Variants in SPON1 observed in about 807,000 individuals in gnomAD.
SPON1 encodes the protein spondin-1.
A neutral mutation model predicts 111.7 loss-of-function variants in SPON1; 52 were observed. That is an observed-to-expected ratio of 0.47 (90% CI 0.37 to 0.59). SPON1 has a LOEUF of 0.59. Among genes scored for constraint, SPON1 ranks in the 20% least tolerant of loss-of-function variants. The pLI, the probability that SPON1 is intolerant of heterozygous loss-of-function variation, is 0.00. For synonymous variants in SPON1, 410 were observed against 395.8 expected, an observed-to-expected ratio of 1.04 and a Z score of -0.43; for missense variants, 957 against 1,068.5, an observed-to-expected ratio of 0.90 and a Z score of 1.46.
chr11:14,226,895 G>A (rs1848746439), intron 6 of SPON1, among the ~76,000 whole-genome samples: 1 of 152,190 alleles, frequency 6.6e-6, no homozygotes, highest in African/African-American at 2.4e-5. Context: ...TCCTTGGCTT[G>A]TGGCCACATC....
At chr11:14,116,303 T>G (rs987808995) in intron 5 of SPON1, among the ~76,000 whole-genome samples, 17 of 152,158 alleles carry the variant, frequency 1.1e-4, no homozygotes, top group African/African-American at 3.6e-4. Context: ...TTTAAGAAGT[T>G]TTTGCCTACC....
intron 6 of SPON1, among the ~76,000 whole-genome samples, chr11:14,156,953 C>G (rs1322758793): frequency 1.3e-5 from 2 of 152,190 alleles, no homozygotes; most frequent in South Asian, 2.1e-4. Flanking sequence ...GACCAGACCC[C>G]TTCTCCAACA....
intron 6 of SPON1, among the ~76,000 whole-genome samples, chr11:14,187,255 C>T (rs561480286): frequency 2.6e-5 from 4 of 152,268 alleles, no homozygotes; most frequent in Admixed American, 2.0e-4. Flanking sequence ...CTGCATGACC[C>T]AAACACCTCC....
chr11:14,217,252 CCAA>C (rs1848635334), intron 6 of SPON1, among the ~76,000 whole-genome samples: 1 of 152,192 alleles, frequency 6.6e-6, no homozygotes, highest in Non-Finnish European at 1.5e-5. Flanking sequence ...TCAGCCAGCA[CCAA>C]CATTTGTTTC....
rs572791074 is a variant in SPON1, at chr11:13,979,735, G to A, written c.239-3112G>A. Among the ~76,000 whole-genome samples, 3 of 152,304 alleles carry A rather than the reference G, an allele frequency of 2.0e-5. No individual in the cohort carries two copies. In the South Asian group the frequency reaches 6.2e-4, roughly 32 times the overall value. On this transcript the variant is annotated intron_variant, in intron 1 of 15. Coordinates refer to ENST00000576479, the MANE Select transcript of SPON1 (RefSeq NM_006108.4). ...CAAGAGCCACAGGGGCTGGCCACGGGAAGCAGAAATATATTAGTGCCAGGG... is the reference window on the plus strand; with the variant it reads ...CAAGAGCCACAGGGGCTGGCCACGGAAAGCAGAAATATATTAGTGCCAGGG...
rs1255768045 is a variant in SPON1, at chr11:14,129,792, C to A, written c.677-5628C>A. On this transcript the variant is annotated intron_variant, in intron 5 of 15. Transcript: ENST00000576479. ...AAAGAAGTTTAATTGACTAACAGTT[C>A]GACATGGCTGGGGAGGCCTCAGGAA... Among the ~76,000 whole-genome samples, 3 of 152,230 alleles carry A rather than the reference C, an allele frequency of 2.0e-5. 1 individual carries two copies. The South Asian group carries it at 6.2e-4, about 32-fold the overall frequency.
chr11:14,022,760 T>C (rs1377929901), intron 2 of SPON1, among the ~76,000 whole-genome samples: 1 of 152,242 alleles, frequency 6.6e-6, no homozygotes, highest in East Asian at 1.9e-4. Context: ...CTGAAACCTT[T>C]TCATAGGGAA....
intron 2 of SPON1, among the ~76,000 whole-genome samples, chr11:14,018,440 T>C (rs776138862): frequency 6.6e-6 from 1 of 152,142 alleles, no homozygotes; most frequent in Non-Finnish European, 1.5e-5. Flanking sequence ...AAATTTCTAG[T>C]TTAATGATGC....
At chr11:14,253,785 A>G (rs782338391) in intron 7 of SPON1, among the ~76,000 whole-genome samples, 7 of 152,214 alleles carry the variant, frequency 4.6e-5, no homozygotes, top group Non-Finnish European at 7.3e-5. Flanking sequence ...CCTCTCTATG[A>G]GACAGGATAA....
intron 5 of SPON1, among the ~76,000 whole-genome samples, chr11:14,118,633 C>A (rs550538113): frequency 1.9e-4 from 29 of 152,132 alleles, no homozygotes; most frequent in Non-Finnish European, 2.4e-4. Flanking sequence ...AGAGTCAATA[C>A]CCCTAATGCT....
Position 14,104,380 on chromosome 11 carries a change from A to G in SPON1, c.676+24359A>G, listed in dbSNP as rs140550787. On this transcript the variant is annotated intron_variant, in intron 5 of 15. Coordinates refer to ENST00000576479, the MANE Select transcript of SPON1 (RefSeq NM_006108.4). ...TTCTTTGGTATTATATACACAATTA[A>G]TTTGTTTGGTTTGGGTTTTGCTTAT... 8.9e-3 allele frequency among the ~76,000 whole-genome samples: 1,347 copies of G among 151,782 alleles called. 19 individuals are homozygous for G. The highest frequency in any genetic ancestry group is 0.064 in the South Asian group (308 of 4,804).
rs548260640 is a variant in SPON1, at chr11:14,101,219, G to A, written c.676+21198G>A. ...GTTTGAGACCAGCCAGACCAACATG[G>A]TGAAACCCCATCTCTACTAAAAATA... On this transcript the variant is annotated intron_variant, in intron 5 of 15. Transcript: ENST00000576479. Among the ~76,000 whole-genome samples, 14 of 152,156 alleles carry A rather than the reference G, an allele frequency of 9.2e-5. No homozygotes were observed. In the South Asian group the frequency reaches 2.9e-3, roughly 32 times the overall value.
At chr11:14,006,851 AT>A (rs1441073429) in intron 2 of SPON1, among the ~76,000 whole-genome samples, 1 of 152,164 alleles carries the variant, frequency 6.6e-6, no homozygotes. Context: ...CATCATGCTA[AT>A]TTCCTAGAGC....
At chr11:14,247,407 T>C (rs1196623411) in intron 7 of SPON1, among the ~76,000 whole-genome samples, 1 of 152,098 alleles carries the variant, frequency 6.6e-6, no homozygotes, top group African/African-American at 2.4e-5. Flanking sequence ...CAAATAATAA[T>C]GGTAAATCAT....
chr11:13,997,264 G>C (rs1848280608), intron 2 of SPON1, among the ~76,000 whole-genome samples: 1 of 152,114 alleles, frequency 6.6e-6, no homozygotes, highest in Non-Finnish European at 1.5e-5. Flanking sequence ...TACTCAGAAA[G>C]GACCATGCAT....
intron 6 of SPON1, among the ~76,000 whole-genome samples, chr11:14,242,124 CAGA>C (rs2133917822): frequency 6.6e-6 from 1 of 152,294 alleles, no homozygotes; most frequent in South Asian, 2.1e-4. Context: ...AGCCATGGAC[CAGA>C]AAGCTTTTTA....
chr11:14,117,977 T>TCACTAC (rs1849278624), intron 5 of SPON1, among the ~76,000 whole-genome samples: 1 of 152,192 alleles, frequency 6.6e-6, no homozygotes, highest in South Asian at 2.1e-4. Flanking sequence ...TTCCCATTTC[T>TCACTAC]CACTACCTCT....
At chr11:14,190,148 A>G (rs999138364) in intron 6 of SPON1, among the ~76,000 whole-genome samples, 5 of 152,136 alleles carry the variant, frequency 3.3e-5, no homozygotes, top group African/African-American at 1.2e-4. Context: ...GACCCAGGGG[A>G]GACTGGGTCC....
intron 7 of SPON1, among the ~76,000 whole-genome samples, chr11:14,244,407 A>G (rs950489389): frequency 2.6e-5 from 4 of 151,886 alleles, no homozygotes; most frequent in Non-Finnish European, 4.4e-5. Context: ...AATCCCAGCT[A>G]TTTGGGAGGC....
Sources: gnomAD v4.1 joint callset for allele counts (sites outside exome capture counted in the v4.1 genomes callset) on GRCh38, gnomAD v4.1.1 for gene constraint, MANE v1.5 for transcripts, NCBI Gene and HGNC (gene_info 2026-07-23, HGNC 2026-07-21) for gene names.